METTL21A: variants seen among roughly 807,000 people sequenced by gnomAD.
METTL21A encodes the protein protein N-lysine methyltransferase METTL21A.
A neutral mutation model predicts 20.9 loss-of-function variants in METTL21A; 22 were observed. The observed-to-expected ratio is 1.05, with a 90% CI of 0.75 to 1.50. The LOEUF (loss-of-function observed/expected upper bound fraction) is 1.50. Ranked by LOEUF, METTL21A falls within the 40% of genes most tolerant of loss-of-function variation. The pLI is 0.00. For missense variants in METTL21A, 271 were observed against 266.8 expected (o/e 1.02, Z -0.11); for synonymous variants, 93 against 102.0 (o/e 0.91, Z 0.53).
chr2:207,596,378 TAGTA>T (rs1421840648), intron 3 of METTL21A, among the ~76,000 whole-genome samples: 4 of 152,240 alleles, frequency 2.6e-5, no homozygotes, highest in Admixed American at 6.5e-5. Context: ...TTTTAATTAA[TAGTA>T]AGATGTAATT....
At chr2:207,596,747 A>G (rs2086250947) in intron 3 of METTL21A, among the ~76,000 whole-genome samples, 2 of 152,302 alleles carry the variant, frequency 1.3e-5, no homozygotes, top group South Asian at 4.1e-4. Context: ...TAAAATTTTA[A>G]TATAAGGTAA....
downstream of METTL21A, chr2:207,609,384 T>G (rs2088601384): frequency 6.6e-6 from 1 of 152,228 alleles, no homozygotes; most frequent in South Asian, 2.1e-4. Context: ...GTATCATAGA[T>G]AATCCTAAAA....
At chr2:207,610,691 G>A (rs2088753331), downstream of METTL21A, 1 of 15,584 alleles carries the variant, frequency 6.4e-5, no homozygotes, top group Non-Finnish European at 1.1e-4. Flanking sequence ...CGCCCGGCCA[G>A]CCGCCCCGTC....
At chr2:207,589,803 C>T (rs2084612059) in intron 3 of METTL21A, among the ~76,000 whole-genome samples, 1 of 152,108 alleles carries the variant, frequency 6.6e-6, no homozygotes, top group Admixed American at 6.5e-5. Flanking sequence ...TGGGATGAAC[C>T]CCCAATTGGT....
exon 4 of METTL21A, chr2:207,581,729 A>G: frequency 1.6e-6 from 1 of 608,166 alleles, no homozygotes; most frequent in Non-Finnish European, 2.9e-6. Flanking sequence ...ATCAAAAATA[A>G]AAGTACATTG....
At chr2:207,603,025 C>T (rs1475435671) in intron 3 of METTL21A, 1 of 213,894 alleles carries the variant, frequency 4.7e-6, no homozygotes, top group Non-Finnish European at 9.4e-6. Context: ...AAGACTTCCC[C>T]CACAACTGTC....
chr2:207,613,893 C>T (rs2107005654), intron 3 of METTL21A, among the ~76,000 whole-genome samples: 1 of 152,274 alleles, frequency 6.6e-6, no homozygotes, highest in Non-Finnish European at 1.5e-5. Context: ...ATCACTTAAA[C>T]CTGGGAGGCA....
intron 3 of METTL21A, chr2:207,582,951 CT>C (rs1255314901): frequency 5.8e-6 from 1 of 172,104 alleles, no homozygotes; most frequent in African/African-American, 2.4e-5. Context: ...ACACATACAC[CT>C]TCATATATGC....
intron 3 of METTL21A, chr2:207,620,610 C>T: frequency 6.9e-7 from 1 of 1,457,500 alleles, no homozygotes; most frequent in Non-Finnish European, 9.2e-7. Context: ...AAAATAATAC[C>T]TAACATACAC....
chr2:207,620,942 C>T (rs143680195), intron 3 of METTL21A, among the ~76,000 whole-genome samples: 114 of 152,282 alleles, frequency 7.5e-4, no homozygotes, highest in African/African-American at 2.7e-3. Flanking sequence ...CAAGTGTAGT[C>T]TGAGAACCAG....
chr2:207,597,567 G>A (rs955799582), intron 3 of METTL21A: 5 of 210,294 alleles, frequency 2.4e-5, no homozygotes, highest in African/African-American at 6.8e-5. Context: ...AAGTTGTTAA[G>A]AGACATACCC....
chr2:207,595,144 C>T (rs1012286409), intron 3 of METTL21A, among the ~76,000 whole-genome samples: 1 of 151,302 alleles, frequency 6.6e-6, no homozygotes, highest in Non-Finnish European at 1.5e-5. Flanking sequence ...TACAGGCACC[C>T]ACCACCATAC....
At chr2:207,618,524 C>A (rs764044296) in intron 3 of METTL21A, among the ~76,000 whole-genome samples, 1 of 152,016 alleles carries the variant, frequency 6.6e-6, no homozygotes, top group African/African-American at 2.4e-5. Context: ...AATGGTGAAA[C>A]CCCATCTCTA....
chr2:207,613,420 G>A lies in METTL21A; in HGVS notation c.283C>T (p.Arg95Ter), dbSNP rs1001915770. 1.2e-5 allele frequency: 20 copies of A among 1,600,210 alleles called. No homozygotes were observed. The highest frequency in any genetic ancestry group is 5.2e-5 in the Admixed American group (3 of 58,140). The change falls in exon 4 of 4, where the codon CGA becomes TGA. Residue 95 changes from arginine to a stop codon, truncating the protein, a stop_gained. Transcript: ENST00000406927. LOFTEE classifies it high-confidence loss of function. ...TTAAGAAATTCTAATGCTACTTTTC[G>A]ATCCGTGATAGTCACATGAGCACCT...
At chr2:207,602,361 C>T (rs1432816348) in intron 3 of METTL21A, 1 of 201,942 alleles carries the variant, frequency 5.0e-6, no homozygotes, top group Non-Finnish European at 1.0e-5. Context: ...GGGTGCAGGT[C>T]CCAGCTGGGT....
At chr2:207,624,315 G>A (rs1163982077) in exon 2 of METTL21A, 1 of 1,614,060 alleles carries the variant, frequency 6.2e-7, no homozygotes, top group South Asian at 1.1e-5. Flanking sequence ...AAAGTTGCAA[G>A]AGGCTTGTGG....
At chr2:207,602,619 G>A (rs1179230214) in intron 3 of METTL21A, 1 of 211,772 alleles carries the variant, frequency 4.7e-6, no homozygotes, top group African/African-American at 2.3e-5. Context: ...TTTTATGTTT[G>A]TTGGCCAAGT....
At chr2:207,608,881 C>T (rs984812089), downstream of METTL21A, among the ~76,000 whole-genome samples, 21 of 152,216 alleles carry the variant, frequency 1.4e-4, no homozygotes, top group Non-Finnish European at 1.9e-4. Context: ...GAGCTGAGAT[C>T]GTGCCCCGCA....
At chr2:207,588,572 T>C (rs2084321466) in intron 3 of METTL21A, among the ~76,000 whole-genome samples, 1 of 152,218 alleles carries the variant, frequency 6.6e-6, no homozygotes, top group Admixed American at 6.5e-5. Flanking sequence ...GCTAGAATTT[T>C]AGTTAGGATT....
Sources: gnomAD v4.1 joint callset for allele counts (sites outside exome capture counted in the v4.1 genomes callset) on GRCh38, gnomAD v4.1.1 for gene constraint, MANE v1.5 for transcripts, NCBI Gene and HGNC (gene_info 2026-07-23, HGNC 2026-07-21) for gene names.